Variants in FAM168A observed in about 807,000 individuals in gnomAD.
FAM168A encodes the protein protein FAM168A.
In FAM168A, 3 loss-of-function variants were observed where a neutral mutation model predicts 28.5. The observed-to-expected ratio is 0.11, with a 90% CI of 0.05 to 0.27. The LOEUF is 0.27. Among genes scored for constraint, FAM168A ranks in the 10% least tolerant of loss-of-function variants. FAM168A has a pLI of 1.00. For synonymous variants in FAM168A, 122 were observed against 124.2 expected (o/e 0.98, Z 0.12); for missense variants, 222 against 311.5 (o/e 0.71, Z 2.16).
At chr11:73,578,691 C>T (rs1944205180) in intron 1 of FAM168A, among the ~76,000 whole-genome samples, 1 of 152,198 alleles carries the variant, frequency 6.6e-6, no homozygotes, top group African/African-American at 2.4e-5. Flanking sequence ...CTTCCAAGCA[C>T]TCTACAGCAT....
chr11:73,502,344 C>T (rs200061561), intron 1 of FAM168A, among the ~76,000 whole-genome samples: 2 of 152,068 alleles, frequency 1.3e-5, no homozygotes, highest in Non-Finnish European at 1.5e-5. Context: ...ATACAAACTA[C>T]CATCAGAGAG....
intron 1 of FAM168A, among the ~76,000 whole-genome samples, chr11:73,574,035 G>A (rs959019271): frequency 1.3e-5 from 2 of 151,752 alleles, no homozygotes; most frequent in East Asian, 1.9e-4. Flanking sequence ...GAGGCAGGGG[G>A]ATCACTAAGC....
At chr11:73,430,946 G>A (rs1018128195) in intron 2 of FAM168A, among the ~76,000 whole-genome samples, 176 bp from the exon 3 acceptor site, 5 of 152,140 alleles carry the variant, frequency 3.3e-5, no homozygotes, top group Admixed American at 2.6e-4. Context: ...AGCCTCTCAA[G>A]AGAAAAGTTA....
chr11:73,443,216 C>T (rs1867237526), intron 2 of FAM168A, among the ~76,000 whole-genome samples: 1 of 151,828 alleles, frequency 6.6e-6, no homozygotes. Context: ...ATTATGTATA[C>T]ATTAAATGTT....
At chr11:73,411,578 A>G in intron 4 of FAM168A, 42 bp from the exon 5 acceptor site, 1 of 1,611,292 alleles carries the variant, frequency 6.2e-7, no homozygotes, top group Non-Finnish European at 8.5e-7. Context: ...TAGTTGGCAG[A>G]AAAGCATTGC....
rs79122225 is a variant in FAM168A, at chr11:73,478,169, C to A, written c.-18-9677G>T. ...TTTACTGAATTACATTAGTTTGCAT[C>A]TGAACTAGACTGAAATAAATGCAAT... is the stretch of plus-strand genomic sequence containing the variant. On this transcript the variant is annotated intron_variant, in intron 1 of 7. Coordinates refer to ENST00000356467, the MANE Select transcript of FAM168A (RefSeq NM_015159.3). 3.0e-3 allele frequency among the ~76,000 whole-genome samples: 458 copies of A among 152,246 alleles called. 1 individual carries two copies. Among genetic ancestry groups the A allele is most frequent in the African/African-American group, 0.01 (423 of 41,538 alleles).
chr11:73,540,702 T>G (rs1943642508), intron 1 of FAM168A, among the ~76,000 whole-genome samples: 1 of 152,218 alleles, frequency 6.6e-6, no homozygotes, highest in Non-Finnish European at 1.5e-5. Context: ...TTGATCATCA[T>G]CCCAACATAT....
At chr11:73,450,281 A>G (rs1368178080) in intron 2 of FAM168A, among the ~76,000 whole-genome samples, 1 of 152,214 alleles carries the variant, frequency 6.6e-6, no homozygotes, top group Non-Finnish European at 1.5e-5. Flanking sequence ...AGATTCCTAG[A>G]CAAGCTCACA....
intron 1 of FAM168A, among the ~76,000 whole-genome samples, chr11:73,539,354 C>T (rs564757678): frequency 6.6e-6 from 1 of 152,134 alleles, no homozygotes; most frequent in Non-Finnish European, 1.5e-5. Context: ...ACTGCAACCT[C>T]CGCCTCCCAG....
intron 1 of FAM168A, among the ~76,000 whole-genome samples, chr11:73,579,081 A>G (rs940333985): frequency 3.3e-5 from 5 of 152,170 alleles, no homozygotes; most frequent in Non-Finnish European, 7.3e-5. Flanking sequence ...GAAAGCAGAG[A>G]GAGAGGAAGT....
intron 1 of FAM168A, among the ~76,000 whole-genome samples, chr11:73,587,167 A>AAC (rs1555040925): frequency 3.8e-4 from 56 of 149,204 alleles, no homozygotes; most frequent in African/African-American, 6.4e-4. Flanking sequence ...AAAAAAAAAA[A>AAC]AAAAAAAAAA....
intron 1 of FAM168A, among the ~76,000 whole-genome samples, chr11:73,576,431 T>C (rs909063382): frequency 3.3e-5 from 5 of 152,086 alleles, no homozygotes; most frequent in African/African-American, 7.2e-5. Context: ...AAAACAAACA[T>C]CCCATTGAGG....
intron 1 of FAM168A, among the ~76,000 whole-genome samples, chr11:73,525,553 G>C (rs1943437353): frequency 6.6e-6 from 1 of 152,156 alleles, no homozygotes; most frequent in East Asian, 1.9e-4. Flanking sequence ...GCTGAGAAAG[G>C]ATGTGGGAGT....
In FAM168A at chr11:73,511,105, G is replaced by C. The variant is rs182572694; in HGVS notation, c.-18-42613C>G. 4.5e-4 allele frequency among the ~76,000 whole-genome samples: 69 copies of C among 151,696 alleles called. 1 individual carries two copies. Among genetic ancestry groups the C allele is most frequent in the African/African-American group, 1.6e-3 (67 of 41,370 alleles). ...CAGGAGCCTGGAGACACAGACAACG[G>C]ACAAAGCCAAATGGTGCAGAGCCCA... On this transcript the variant is annotated intron_variant, in intron 1 of 7. Transcript: ENST00000356467.
chr11:73,536,185 T>A (rs1247722235), intron 1 of FAM168A, among the ~76,000 whole-genome samples: 4 of 152,162 alleles, frequency 2.6e-5, no homozygotes, highest in Admixed American at 2.6e-4. Context: ...GTATTCCACT[T>A]TTAACAACGA....
chr11:73,478,626 A>C (rs1867925804), intron 1 of FAM168A, among the ~76,000 whole-genome samples: 1 of 152,224 alleles, frequency 6.6e-6, no homozygotes, highest in Non-Finnish European at 1.5e-5. Context: ...CAATAAAGCT[A>C]CTAAAAATAC....
At chr11:73,584,915 T>C (rs980774932) in intron 1 of FAM168A, among the ~76,000 whole-genome samples, 2 of 151,986 alleles carry the variant, frequency 1.3e-5, no homozygotes, top group African/African-American at 4.8e-5. Context: ...CAGCAGAGGA[T>C]TGCTTGAGGC....
chr11:73,492,534 C>CG (rs1167640656), intron 1 of FAM168A, among the ~76,000 whole-genome samples: 4 of 151,994 alleles, frequency 2.6e-5, no homozygotes. Context: ...CCCAGCTACA[C>CG]GGGGGGCTGA....
intron 1 of FAM168A, among the ~76,000 whole-genome samples, chr11:73,484,967 CG>C (rs1269474665): frequency 6.6e-6 from 1 of 151,854 alleles, no homozygotes; most frequent in African/African-American, 2.4e-5. Context: ...TTATATTCAA[CG>C]GTAGCTGATT....
Sources: gnomAD v4.1 joint callset for allele counts (sites outside exome capture counted in the v4.1 genomes callset) on GRCh38, gnomAD v4.1.1 for gene constraint, MANE v1.5 for transcripts, NCBI Gene and HGNC (gene_info 2026-07-23, HGNC 2026-07-21) for gene names.